Variants in ZPBP observed in about 807,000 individuals in gnomAD.
The protein encoded by ZPBP is zona pellucida-binding protein 1.
ZPBP carries 26 observed loss-of-function variants against 44.8 expected under a neutral mutation model. The observed-to-expected ratio is 0.58, with a 90% CI of 0.43 to 0.81. ZPBP has a LOEUF of 0.81. Among genes scored for constraint, ZPBP ranks in the 30% least tolerant of loss-of-function variants. The pLI, the probability that ZPBP is intolerant of heterozygous loss-of-function variation, is 0.00. For synonymous variants in ZPBP, 174 were observed against 153.2 expected, an observed-to-expected ratio of 1.14 and a Z score of -1.00; for missense variants, 409 against 434.0, an observed-to-expected ratio of 0.94 and a Z score of 0.51.
At chr7:49,914,062 T>G (rs1793596489) in intron 1 of ZPBP, 1 of 152,248 alleles carries the variant, frequency 6.6e-6, no homozygotes, top group Non-Finnish European at 1.5e-5. Context: ...TATTAAAGAC[T>G]GGTAGACATT....
chr7:49,959,694 C>T (rs537317942), intron 7 of ZPBP, among the ~76,000 whole-genome samples: 1 of 151,966 alleles, frequency 6.6e-6, no homozygotes, highest in South Asian at 2.1e-4. Flanking sequence ...TCTTTAGAGT[C>T]AATGAAATCA....
At chr7:49,988,466 T>C (rs1409229823) in intron 6 of ZPBP, among the ~76,000 whole-genome samples, 1 of 152,200 alleles carries the variant, frequency 6.6e-6, no homozygotes, top group Non-Finnish European at 1.5e-5. Context: ...TTATATTTTA[T>C]GTAATAATGT....
At chr7:50,066,273 T>C (rs77038363) in intron 3 of ZPBP, among the ~76,000 whole-genome samples, 5 of 150,614 alleles carry the variant, frequency 3.3e-5, no homozygotes, top group East Asian at 3.9e-4. Flanking sequence ...TTTTTTTTTT[T>C]CTCTGATTTA....
In ZPBP at chr7:50,062,425, C is replaced by T. The variant is rs150500358; in HGVS notation, c.335-4284G>A. ...TAACACACTACCTGACTTCAAACTACACTACAGGGCTATAGTAACTAAAAG... is the reference window on the plus strand; with the variant it reads ...TAACACACTACCTGACTTCAAACTATACTACAGGGCTATAGTAACTAAAAG... On this transcript the variant is annotated intron_variant, in intron 3 of 7. Transcript: ENST00000046087. Among the ~76,000 whole-genome samples the T allele has an allele frequency of 4.7e-3, 719 of 152,190 alleles. 17 individuals carry two copies. The South Asian group carries it at 0.068, about 14-fold the overall frequency.
intron 4 of ZPBP, among the ~76,000 whole-genome samples, chr7:50,036,492 A>C (rs1475081159): frequency 6.6e-6 from 1 of 152,200 alleles, no homozygotes; most frequent in Non-Finnish European, 1.5e-5. Flanking sequence ...AAAAATTGTC[A>C]GAAGGAGGCT....
At chr7:49,994,147 A>G (rs1189449978) in intron 6 of ZPBP, among the ~76,000 whole-genome samples, 1 of 152,166 alleles carries the variant, frequency 6.6e-6, no homozygotes, top group African/African-American at 2.4e-5. Context: ...ATTCGTTCCA[A>G]TTGCACAGTT....
rs1282158486 is a variant in ZPBP, at chr7:49,908,294, GAC to G, written n.412-7081_412-7080del. 8.5e-5 allele frequency among the ~76,000 whole-genome samples: 13 copies of G among 152,298 alleles called. No homozygotes were observed. In the East Asian group the frequency reaches 2.1e-3, roughly 25 times the overall value. ...ACGCCTACATTTCATCATGACCTGA[GAC>G]AGGTTTTCAGGTTAACTTTGGAATG... On this transcript the variant is annotated intron_variant and non_coding_transcript_variant, in intron 1 of 2. Coordinates refer to the ZPBP transcript ENST00000465922.
At chr7:50,088,007 C>A (rs1802756456) in intron 2 of ZPBP, among the ~76,000 whole-genome samples, 1 of 151,956 alleles carries the variant, frequency 6.6e-6, no homozygotes, top group African/African-American at 2.4e-5. Flanking sequence ...TTGAAGGACT[C>A]ACACTTAATG....
rs3062198 is a variant in ZPBP at position 49,862,726 on chromosome 7, GT to G, written n.510-12213del. Among the ~76,000 whole-genome samples the G allele has an allele frequency of 3.0e-4, 43 of 143,552 alleles. 1 individual carries two copies. Among genetic ancestry groups the G allele is most frequent in the African/African-American group, 4.8e-4 (19 of 39,218 alleles). The allele number at this position is 143,552 out of a possible 152,430, so 94.2% of individuals were successfully genotyped here. On this transcript the variant is annotated intron_variant and non_coding_transcript_variant, in intron 2 of 2. Transcript: ENST00000465922. ...TCTGCATCAATTGAGATGACCATGA[GT>G]TTTTTTTTTTCATTCTTCATTCTGT... is the stretch of plus-strand genomic sequence containing the variant.
intron 1 of ZPBP, chr7:49,921,951 G>T (rs1794037968): frequency 6.6e-6 from 1 of 152,084 alleles, no homozygotes; most frequent in African/African-American, 2.4e-5. Context: ...ATTAAACTGA[G>T]TTTTGCACTT....
intron 7 of ZPBP, among the ~76,000 whole-genome samples, chr7:49,938,674 G>A (rs1794719341): frequency 6.6e-6 from 1 of 152,170 alleles, no homozygotes; most frequent in Non-Finnish European, 1.5e-5. Context: ...GTGCCATCAA[G>A]CCTCATAATT....
chr7:49,911,074 T>C (rs1793391536), intron 1 of ZPBP, among the ~76,000 whole-genome samples: 1 of 152,236 alleles, frequency 6.6e-6, no homozygotes. Context: ...ACTGGTTCTT[T>C]GAAGGTCTTA....
At chr7:49,871,908 AACACACACACACACACACACACACACAC>A (rs72332840) in intron 2 of ZPBP, among the ~76,000 whole-genome samples, 3 of 87,916 alleles carry the variant, frequency 3.4e-5, no homozygotes, top group African/African-American at 9.1e-5. Context: ...TGTGTATATA[AACACACACACACACACACACACACACAC>A]ACACACACAC....
At chr7:49,982,928 G>A (rs1434931179) in intron 7 of ZPBP, among the ~76,000 whole-genome samples, 1 of 151,694 alleles carries the variant, frequency 6.6e-6, no homozygotes, top group East Asian at 1.9e-4. Context: ...AAAAACAATT[G>A]GTAATAAAAC....
intron 6 of ZPBP, among the ~76,000 whole-genome samples, chr7:50,016,785 C>T (rs1455301317): frequency 1.3e-5 from 2 of 152,064 alleles, no homozygotes; most frequent in African/African-American, 4.8e-5. Context: ...ATGTTTATCA[C>T]AGTACTCACA....
intron 7 of ZPBP, among the ~76,000 whole-genome samples, chr7:49,948,301 T>C (rs1020108759): frequency 6.6e-5 from 10 of 152,186 alleles, no homozygotes; most frequent in African/African-American, 2.4e-4. Flanking sequence ...AGGGTTCTAT[T>C]TGGCCATCTT....
At chr7:49,925,124 A>C (rs1794184667) in intron 1 of ZPBP, among the ~76,000 whole-genome samples, 1 of 151,772 alleles carries the variant, frequency 6.6e-6, no homozygotes, top group Non-Finnish European at 1.5e-5. Flanking sequence ...CCATTTCTCC[A>C]CCTCCTGTGC....
rs536978428 is a variant in ZPBP at position 50,063,981 on chromosome 7, A to AT, written c.335-5841dup. 8.9e-3 allele frequency among the ~76,000 whole-genome samples: 1,350 copies of AT among 152,038 alleles called. 18 individuals carry two copies. Among genetic ancestry groups the AT allele is most frequent in the Non-Finnish European group, 0.011 (764 of 67,966 alleles). On this transcript the variant is annotated intron_variant, in intron 3 of 7. Coordinates refer to ENST00000046087, the MANE Select transcript of ZPBP (RefSeq NM_007009.3). ...CATAGCTGGCCTATAATATTTAATG[A>AT]TTTTTTCAGGAGGCCATTCATTATC... is the stretch of plus-strand genomic sequence containing the variant.
At chr7:50,010,926 A>C (rs1320822923) in intron 6 of ZPBP, among the ~76,000 whole-genome samples, 1 of 145,902 alleles carries the variant, frequency 6.9e-6, no homozygotes, top group African/African-American at 2.4e-5. Flanking sequence ...AAAAAAAAAA[A>C]AACAAATCTG....
Sources: allele counts gnomAD v4.1 joint callset (sites outside exome capture counted in the v4.1 genomes callset), GRCh38; gene constraint gnomAD v4.1.1; transcripts MANE v1.5; gene names NCBI Gene and HGNC (gene_info 2026-07-23, HGNC 2026-07-21).